GALNTL6: variants seen among roughly 807,000 people sequenced by gnomAD.
GALNTL6 encodes polypeptide N-acetylgalactosaminyltransferase-like 6.
A neutral mutation model predicts 73.7 loss-of-function variants in GALNTL6; 46 were observed. The ratio of observed to expected loss-of-function variants is 0.62; its 90% CI spans 0.49 to 0.80. The LOEUF (loss-of-function observed/expected upper bound fraction) is 0.80, where lower values mean the gene tolerates loss of function less well. Among genes scored for constraint, GALNTL6 ranks in the 30% least tolerant of loss-of-function variants. The pLI, the probability that GALNTL6 is intolerant of heterozygous loss-of-function variation, is 0.00. For synonymous variants in GALNTL6, 259 were observed against 263.7 expected, an observed-to-expected ratio of 0.98 and a Z score of 0.17; for missense variants, 604 against 755.0, an observed-to-expected ratio of 0.80 and a Z score of 2.34.
At chr4:172,879,884 G>GA (rs1330299684) in intron 7 of GALNTL6, among the ~76,000 whole-genome samples, 1 of 151,776 alleles carries the variant, frequency 6.6e-6, no homozygotes, top group African/African-American at 2.4e-5. Flanking sequence ...GACTTACTAG[G>GA]AAAAAAGAGA....
chr4:172,800,647 A>G lies in GALNTL6; in HGVS notation c.554-8714A>G, dbSNP rs539769394. Among the ~76,000 whole-genome samples, 6 of 152,302 alleles carry G rather than the reference A, an allele frequency of 3.9e-5. No individual in the cohort carries two copies. In the East Asian group the frequency reaches 9.6e-4, roughly 24 times the overall value. On this transcript the variant is annotated intron_variant, in intron 5 of 12. Coordinates refer to ENST00000506823, the MANE Select transcript of GALNTL6 (RefSeq NM_001034845.3). ...ATAGCCTATTTTTTTTGCAATACATAGAAAGTTTAAATTTAATAAAAGTAC... is the reference window on the plus strand; with the variant it reads ...ATAGCCTATTTTTTTTGCAATACATGGAAAGTTTAAATTTAATAAAAGTAC...
chr4:172,624,776 T>A (rs1456213882), intron 5 of GALNTL6, among the ~76,000 whole-genome samples: 1 of 147,730 alleles, frequency 6.8e-6, no homozygotes, highest in African/African-American at 2.4e-5. Flanking sequence ...TTTTTTTATT[T>A]TTTTGTTTTT....
intron 5 of GALNTL6, among the ~76,000 whole-genome samples, chr4:172,481,559 T>C (rs1338026626): frequency 6.6e-6 from 1 of 152,048 alleles, no homozygotes; most frequent in Non-Finnish European, 1.5e-5. Flanking sequence ...TACAGAGAGC[T>C]GATTGGTCCA....
At chr4:172,556,832 G>A (rs1180577237) in intron 5 of GALNTL6, among the ~76,000 whole-genome samples, 1 of 151,746 alleles carries the variant, frequency 6.6e-6, no homozygotes, top group Non-Finnish European at 1.5e-5. Context: ...GCAATAAAGA[G>A]ATGATAAACC....
At chr4:172,746,987 A>G (rs1356804918) in intron 5 of GALNTL6, among the ~76,000 whole-genome samples, 1 of 152,148 alleles carries the variant, frequency 6.6e-6, no homozygotes, top group Admixed American at 6.5e-5. Context: ...TAAAACTGAT[A>G]AATTCAGTAA....
intron 5 of GALNTL6, among the ~76,000 whole-genome samples, chr4:172,613,555 G>C (rs371178982): frequency 2.2e-4 from 33 of 151,942 alleles, no homozygotes; most frequent in Middle Eastern, 3.4e-3. Flanking sequence ...CATAAGACAT[G>C]ATCTAATTTA....
intron 2 of GALNTL6, among the ~76,000 whole-genome samples, chr4:171,857,436 C>T (rs1202631990): frequency 6.6e-6 from 1 of 152,040 alleles, no homozygotes; most frequent in African/African-American, 2.4e-5. Context: ...ATGGCTTTAA[C>T]ATAGAGAATC....
intron 5 of GALNTL6, among the ~76,000 whole-genome samples, chr4:172,544,778 G>A (rs924856713): frequency 1.1e-4 from 17 of 152,244 alleles, no homozygotes; most frequent in African/African-American, 3.9e-4. Context: ...ACAGTATGAA[G>A]GTAAGAGATA....
At chr4:172,665,694 T>A (rs999551297) in intron 5 of GALNTL6, among the ~76,000 whole-genome samples, 1 of 152,240 alleles carries the variant, frequency 6.6e-6, no homozygotes, top group African/African-American at 2.4e-5. Context: ...GGACTATGAC[T>A]ATTTTGCCTA....
intron 2 of GALNTL6, among the ~76,000 whole-genome samples, chr4:171,823,970 A>C (rs1387790787): frequency 6.6e-6 from 1 of 150,394 alleles, no homozygotes; most frequent in Non-Finnish European, 1.5e-5. Context: ...ATAAAAGTAA[A>C]AATAAAAGTC....
intron 5 of GALNTL6, among the ~76,000 whole-genome samples, chr4:172,675,065 A>C (rs1732204476): frequency 6.6e-6 from 1 of 152,194 alleles, no homozygotes; most frequent in Non-Finnish European, 1.5e-5. Context: ...TTGAGTTTTC[A>C]GCATTCTTGC....
chr4:172,319,033 T>C (rs1578950899), intron 4 of GALNTL6, among the ~76,000 whole-genome samples: 1 of 152,192 alleles, frequency 6.6e-6, no homozygotes, highest in African/African-American at 2.4e-5. Context: ...CTAGCAACTG[T>C]ATTTCTAAAT....
chr4:172,717,905 C>T (rs928507375), intron 5 of GALNTL6, among the ~76,000 whole-genome samples: 10 of 152,110 alleles, frequency 6.6e-5, no homozygotes, highest in Non-Finnish European at 1.3e-4. Context: ...TTATGTGTGT[C>T]TATGTATGTG....
At chr4:171,897,288 A>T (rs906462005) in intron 2 of GALNTL6, among the ~76,000 whole-genome samples, 1 of 152,102 alleles carries the variant, frequency 6.6e-6, no homozygotes, top group Non-Finnish European at 1.5e-5. Flanking sequence ...AAAATAAGGA[A>T]CCTCTATCTT....
chr4:172,174,176 C>G (rs889829987), intron 2 of GALNTL6, among the ~76,000 whole-genome samples: 7 of 151,938 alleles, frequency 4.6e-5, no homozygotes, highest in Non-Finnish European at 8.8e-5. Flanking sequence ...GAACTCTGAT[C>G]GCAGCAGTAG....
At chr4:173,008,258 G>T in intron 10 of GALNTL6, among the ~76,000 whole-genome samples, 1 of 151,992 alleles carries the variant, frequency 6.6e-6, no homozygotes, top group East Asian at 1.9e-4. Flanking sequence ...TCTCTCTCCC[G>T]CTAGCATGAT....
intron 5 of GALNTL6, among the ~76,000 whole-genome samples, chr4:172,680,682 C>T (rs919436964): frequency 6.6e-6 from 1 of 152,144 alleles, no homozygotes; most frequent in Non-Finnish European, 1.5e-5. Flanking sequence ...CTTTTCTTCT[C>T]CCCCTTCCTG....
intron 5 of GALNTL6, among the ~76,000 whole-genome samples, chr4:172,606,586 A>G (rs1177640720): frequency 3.6e-5 from 5 of 139,424 alleles, no homozygotes; most frequent in Non-Finnish European, 7.7e-5. Context: ...GTATATGTAT[A>G]TATATACACA....
At chr4:172,741,557 G>A (rs1736804899) in intron 5 of GALNTL6, among the ~76,000 whole-genome samples, 1 of 151,924 alleles carries the variant, frequency 6.6e-6, no homozygotes, top group Non-Finnish European at 1.5e-5. Context: ...TTACATAGAA[G>A]AATATATTTA....
Sources: gnomAD v4.1 joint callset for allele counts (sites outside exome capture counted in the v4.1 genomes callset) on GRCh38, gnomAD v4.1.1 for gene constraint, MANE v1.5 for transcripts, NCBI Gene and HGNC (gene_info 2026-07-23, HGNC 2026-07-21) for gene names.